The following CFAP47 variants were observed in gnomAD, a reference collection of about 807,000 sequenced individuals.
CFAP47 encodes the protein cilia and flagella associated protein 47.
Under a neutral mutation model 148.1 loss-of-function variants are expected in CFAP47, and 29 were observed. That is an observed-to-expected ratio of 0.20 (90% CI 0.15 to 0.27). The LOEUF (loss-of-function observed/expected upper bound fraction) is 0.27. Ranked by LOEUF, CFAP47 falls within the 10% of genes least tolerant of loss-of-function variation. The pLI is 1.00. For missense variants in CFAP47, 1,872 were observed against 1,697.5 expected (o/e 1.10, Z -1.81); for synonymous variants, 664 against 577.3 (o/e 1.15, Z -2.15).
intron 45 of CFAP47, among the ~76,000 whole-genome samples, chrX:36,218,760 G>T (rs1332282680): frequency 8.9e-6 from 1 of 112,080 alleles, no homozygotes; most frequent in Non-Finnish European, 1.9e-5. Context: ...AAGTTACAGG[G>T]AAAGACATAA....
At chrX:35,972,591 C>T (rs1338935371) in intron 13 of CFAP47, among the ~76,000 whole-genome samples, 1 of 111,587 alleles carries the variant, frequency 9.0e-6, no homozygotes, top group African/African-American at 3.3e-5. Flanking sequence ...TATACAGTTG[C>T]CTATTCTGAA....
intron 33 of CFAP47, among the ~76,000 whole-genome samples, chrX:36,123,725 C>T (rs1363392352): frequency 1.8e-5 from 2 of 111,233 alleles, no homozygotes; most frequent in African/African-American, 3.3e-5. Flanking sequence ...AAATGCCATC[C>T]AAAAGTCAAG....
intron 36 of CFAP47, among the ~76,000 whole-genome samples, chrX:36,148,740 G>A (rs1330024304): frequency 9.0e-6 from 1 of 111,669 alleles, no homozygotes; most frequent in Non-Finnish European, 1.9e-5. Context: ...GGATATATAA[G>A]TTCCCTTTTT....
intron 27 of CFAP47, among the ~76,000 whole-genome samples, chrX:36,068,972 GA>G (rs1937695626): frequency 9.8e-6 from 1 of 101,701 alleles, no homozygotes; most frequent in East Asian, 3.1e-4. Flanking sequence ...AAAAAAAAAA[GA>G]AAAAAGATTT....
At chrX:35,987,643 GC>G (rs945312829) in intron 15 of CFAP47, among the ~76,000 whole-genome samples, 8 of 111,323 alleles carry the variant, frequency 7.2e-5, no homozygotes, top group African/African-American at 2.3e-4. Flanking sequence ...CATTCCAGGT[GC>G]CACTGGGGTA....
At chrX:36,066,023 ATGCCCTTTATTCTG>A in intron 27 of CFAP47, among the ~76,000 whole-genome samples, 1 of 112,145 alleles carries the variant, frequency 8.9e-6, no homozygotes, top group East Asian at 2.8e-4. Context: ...CCATAATGCT[ATGCCCTTTATTCTG>A]TAGCAGTGGG....
chrX:36,163,075 C>G (rs1939448834), intron 39 of CFAP47, among the ~76,000 whole-genome samples: 1 of 112,041 alleles, frequency 8.9e-6, no homozygotes, highest in African/African-American at 3.2e-5. Context: ...AATTCCATCT[C>G]TTTGTTATGA....
At chrX:36,339,776 T>C (rs1173222374) in intron 57 of CFAP47, among the ~76,000 whole-genome samples, 2 of 111,841 alleles carry the variant, frequency 1.8e-5, no homozygotes, top group East Asian at 5.6e-4. Context: ...TGTGCTAATA[T>C]ATTCTTAAAA....
chrX:36,199,879 A>C (rs1396456031), intron 42 of CFAP47, among the ~76,000 whole-genome samples: 1 of 111,507 alleles, frequency 9.0e-6, no homozygotes, highest in Non-Finnish European at 1.9e-5. Flanking sequence ...TTAATCAAAT[A>C]AAAGATTCTT....
At chrX:36,260,484 T>A (rs1216171630) in intron 49 of CFAP47, among the ~76,000 whole-genome samples, 2 of 112,357 alleles carry the variant, frequency 1.8e-5, no homozygotes, top group Non-Finnish European at 3.8e-5. Context: ...TTAGTTATGA[T>A]CAGCATTTTT....
chrX:36,365,234 G>T (rs1941864405), intron 61 of CFAP47, among the ~76,000 whole-genome samples: 1 of 110,196 alleles, frequency 9.1e-6, no homozygotes, highest in African/African-American at 3.3e-5. Context: ...TTAAGATTAT[G>T]TATTAATCAT....
chrX:36,200,007 T>C (rs1335667692), intron 42 of CFAP47, among the ~76,000 whole-genome samples: 1 of 112,250 alleles, frequency 8.9e-6, no homozygotes, highest in Non-Finnish European at 1.9e-5. Flanking sequence ...GGGACTCAGA[T>C]GCCTGGCAAA....
At chrX:36,337,973 C>T (rs1941621101) in intron 57 of CFAP47, among the ~76,000 whole-genome samples, 1 of 102,746 alleles carries the variant, frequency 9.7e-6, no homozygotes, top group Admixed American at 1.0e-4. Context: ...GGGTTCACGC[C>T]ATTCTCCTGC....
chrX:35,986,905 G>T (rs1936722919), intron 15 of CFAP47, among the ~76,000 whole-genome samples: 1 of 111,441 alleles, frequency 9.0e-6, no homozygotes, highest in Non-Finnish European at 1.9e-5. Context: ...GTCCACTCCA[G>T]ACCCTGTTTG....
At chrX:36,050,271 T>C (rs1022972985) in intron 26 of CFAP47, among the ~76,000 whole-genome samples, 3 of 110,875 alleles carry the variant, frequency 2.7e-5, no homozygotes, top group Non-Finnish European at 5.7e-5. Flanking sequence ...CAGAAGAAGA[T>C]AGAAAAATGT....
chrX:36,218,397 A>G (rs1173500844), intron 45 of CFAP47, among the ~76,000 whole-genome samples: 1 of 111,941 alleles, frequency 8.9e-6, no homozygotes, highest in East Asian at 2.8e-4. Context: ...TAAATGACCC[A>G]TGAAGGCCTA....
intron 22 of CFAP47, among the ~76,000 whole-genome samples, chrX:36,022,359 T>G (rs1937169811): frequency 8.9e-6 from 1 of 111,768 alleles, no homozygotes. Flanking sequence ...ATGTTGGAGC[T>G]CCTATGTATC....
At chrX:36,365,391 A>G (rs782170142) in intron 61 of CFAP47, among the ~76,000 whole-genome samples, 3 of 110,606 alleles carry the variant, frequency 2.7e-5, no homozygotes, top group African/African-American at 6.6e-5. Flanking sequence ...CCTTATATAC[A>G]TCACTTCTTG....
At chrX:36,022,173 C>T (rs899763896) in intron 22 of CFAP47, 1 of 111,729 alleles carries the variant, frequency 9.0e-6, no homozygotes, top group Non-Finnish European at 1.9e-5. Flanking sequence ...TGGTGTTGAT[C>T]AAATCCCTTA....
Sources: gnomAD v4.1 joint callset for allele counts (sites outside exome capture counted in the v4.1 genomes callset) on GRCh38, gnomAD v4.1.1 for gene constraint, MANE v1.5 for transcripts, NCBI Gene and HGNC (gene_info 2026-07-23, HGNC 2026-07-21) for gene names.